EPG5: variants seen among roughly 807,000 people sequenced by gnomAD.
EPG5 encodes the protein ectopic P-granules 5 autophagy tethering factor, also known as ectopic P granules protein 5 homolog.
A neutral mutation model predicts 302.7 loss-of-function variants in EPG5; 159 were observed. The observed-to-expected ratio is 0.53, with a 90% confidence interval of 0.46 to 0.60. The LOEUF is 0.60. EPG5 is among the 20% of genes least tolerant of loss of function. The pLI, the probability that EPG5 is intolerant of heterozygous loss-of-function variation, is 0.00. For missense variants in EPG5, 2,896 were observed against 3,092.4 expected (o/e 0.94, Z 1.51); for synonymous variants, 1,158 against 1,136.8 (o/e 1.02, Z -0.37).
chr18:45,858,582 C>G lies in EPG5; in HGVS notation c.7210G>C (p.Glu2404Gln). ...KVLLILSKWL[E>Q]QVYPSSVEEE... Reference sequence around the variant, plus strand: ...CCAACGTACCTTGGGTACACCTGTTCCAGCCACTTGCTTAAGATGAGCAGC... The same window carrying G: ...CCAACGTACCTTGGGTACACCTGTTGCAGCCACTTGCTTAAGATGAGCAGC... The change falls in exon 41 of 44, where the codon GAA becomes CAA. Residue 2404 changes from glutamate to glutamine, a missense_variant. Coordinates refer to ENST00000282041, the MANE Select transcript of EPG5 (RefSeq NM_020964.3). The G allele has an allele frequency of 1.2e-6, 2 of 1,614,134 alleles. No homozygotes were observed. Among genetic ancestry groups the G allele is most frequent in the Non-Finnish European group, 1.7e-6 (2 of 1,180,002 alleles).
rs9948555 is a variant in EPG5, at chr18:45,870,393, G to A, written c.6225+174C>T. Among the ~76,000 whole-genome samples the A allele has an allele frequency of 0.016, 2,371 of 152,002 alleles. 47 individuals are homozygous for A. Among genetic ancestry groups the A allele is most frequent in the African/African-American group, 0.046 (1,918 of 41,418 alleles). ...AATGGTCCTGTAGATGTTTTAACAC[G>A]ATAAAATGACTTCCACAAGACACTG... On this transcript the variant is annotated intron_variant, in intron 36 of 43. Transcript: ENST00000282041.
chr18:45,880,284 T>C, intron 31 of EPG5, 61 bp from the exon 32 acceptor site: 1 of 1,421,912 alleles, frequency 7.0e-7, no homozygotes, highest in Non-Finnish European at 9.4e-7. Context: ...TTTTAACTTG[T>C]AACAAAGAAT....
chr18:45,802,772 C>T, the EPG5 span, among the ~76,000 whole-genome samples: 1 of 152,234 alleles, frequency 6.6e-6, no homozygotes, highest in East Asian at 1.9e-4. Flanking sequence ...GGATCTCATG[C>T]TCTCTTGATG....
At chr18:45,931,556 G>A (rs139731337) in intron 11 of EPG5, among the ~76,000 whole-genome samples, 122 of 152,226 alleles carry the variant, frequency 8.0e-4, no homozygotes, top group African/African-American at 2.4e-3. Flanking sequence ...GTGCTTGGCC[G>A]GGCGCTGTGG....
chr18:45,855,583 T>C lies in EPG5; in HGVS notation c.7547A>G (p.Lys2516Arg), dbSNP rs1568091718. The C allele has an allele frequency of 1.2e-6, 2 of 1,613,538 alleles. No individual in the cohort carries two copies. Among genetic ancestry groups the C allele is most frequent in the Non-Finnish European group, 1.7e-6 (2 of 1,179,518 alleles). The part of the protein sequence containing the change: ...RPGSELHLTP[K>R]AQQALNALES... ...ATTGTATATACTGACCTGCTGAGCT[T>C]TGGGGGTCAGATGTAATTCAGAGCC... Residue 2516 changes from lysine to arginine, a missense_variant, in exon 43 of 44, where the codon AAA (lysine) becomes AGA (arginine). By Grantham distance (26) the Lys-to-Arg change is conservative. This residue lies in a region of EPG5 where 620 missense variants were observed against 704.2 expected (regional missense o/e 0.88). Coordinates refer to ENST00000282041, the MANE Select transcript of EPG5 (RefSeq NM_020964.3).
chr18:45,917,702 C>A lies in EPG5; in HGVS notation c.3216G>T (p.Gln1072His), dbSNP rs763038687. The A allele has an allele frequency of 3.2e-5, 52 of 1,614,038 alleles. 1 individual carries two copies. Among genetic ancestry groups the A allele is most frequent in the Non-Finnish European group, 4.4e-5 (52 of 1,180,000 alleles). ...DKILPLFYPCQYYLLKNEQFL... is the reference protein window; with the variant it reads ...DKILPLFYPCHYYLLKNEQFL... ...ACTGCTCATTCTTCAGAAGGTAATA[C>A]TGGCAAGGGTAAAATAAAGGCAGAA... Residue 1072 changes from glutamine to histidine, a missense_variant, in exon 17 of 44, where the codon CAG (glutamine) becomes CAT (histidine). Coordinates refer to ENST00000282041, the MANE Select transcript of EPG5 (RefSeq NM_020964.3).
At chr18:45,811,915 A>C in the EPG5 span, among the ~76,000 whole-genome samples, 11 of 152,178 alleles carry the variant, frequency 7.2e-5, no homozygotes, top group African/African-American at 2.7e-4. Flanking sequence ...AGTTCTGGCC[A>C]GGGCAATCAG....
chr18:45,822,097 T>C, the EPG5 span, among the ~76,000 whole-genome samples: 12 of 152,322 alleles, frequency 7.9e-5, no homozygotes, highest in Non-Finnish European at 1.2e-4. Flanking sequence ...GACATCTTCA[T>C]TCCCATGTTT....
Position 45,946,751 on chromosome 18 carries a change from A to G in EPG5, c.1589T>C (p.Met530Thr), listed in dbSNP as rs1354658517. The G allele has an allele frequency of 6.2e-7, 1 of 1,614,206 alleles. No individual in the cohort carries two copies. Among genetic ancestry groups the G allele is most frequent in the South Asian group, 1.1e-5 (1 of 91,090 alleles). ...MSPVKNRAEF[M>T]CHMKPSERKP... ...CCGCTCGCTGGGCTTCATGTGGCAC[A>G]TAAACTCAGCTCGATTTCTAAAGGA... The change falls in exon 7 of 44, where the codon ATG becomes ACG. Residue 530 changes from methionine (M) to threonine (T), a missense_variant. By Grantham distance (81) the Met-to-Thr change is moderately conservative. Coordinates refer to ENST00000282041, the MANE Select transcript of EPG5 (RefSeq NM_020964.3).
chr18:45,826,377 G>C, the EPG5 span, among the ~76,000 whole-genome samples: 1,265 of 152,288 alleles, frequency 8.3e-3, 18 homozygotes, highest in African/African-American at 0.028. Flanking sequence ...AAAAGGCACA[G>C]GGACCATCTG....
At chr18:45,834,630 C>A in the EPG5 span, among the ~76,000 whole-genome samples, 3 of 152,346 alleles carry the variant, frequency 2.0e-5, no homozygotes, top group Admixed American at 1.3e-4. Flanking sequence ...TATGTGCCTA[C>A]AAATCTGTCT....
chr18:45,950,672 C>T (rs2050887679), intron 4 of EPG5, among the ~76,000 whole-genome samples: 1 of 152,164 alleles, frequency 6.6e-6, no homozygotes, highest in Non-Finnish European at 1.5e-5. Flanking sequence ...TAATTCTGTA[C>T]CTGAGACAAA....
chr18:45,962,139 T>G (rs988354941), intron 1 of EPG5, among the ~76,000 whole-genome samples: 1 of 152,266 alleles, frequency 6.6e-6, no homozygotes. Context: ...GAGTGTTTGT[T>G]TAATAAATGA....
At chr18:45,854,805 G>A (rs1355918911) in intron 43 of EPG5, among the ~76,000 whole-genome samples, 1 of 152,218 alleles carries the variant, frequency 6.6e-6, no homozygotes, top group Non-Finnish European at 1.5e-5. Flanking sequence ...AGGCTGCAGT[G>A]AGATATGATC....
intron 39 of EPG5, among the ~76,000 whole-genome samples, chr18:45,864,612 T>TA (rs998617271): frequency 2.0e-4 from 31 of 152,362 alleles, no homozygotes; most frequent in African/African-American, 7.2e-4. Flanking sequence ...TGACTTTTTT[T>TA]ACTGTGAGTT....
chr18:45,845,545 C>T (rs971668413), downstream of EPG5, among the ~76,000 whole-genome samples: 2 of 152,184 alleles, frequency 1.3e-5, no homozygotes, highest in South Asian at 2.1e-4. Flanking sequence ...TTCCCCCACC[C>T]ACCCTCTCAG....
Position 45,954,525 on chromosome 18 carries a change from A to G in EPG5, c.877T>C (p.Leu293=). Residue 293 remains leucine (L), a synonymous_variant, in exon 2 of 44, where the codon TTG becomes CTG. Coordinates refer to ENST00000282041, the MANE Select transcript of EPG5 (RefSeq NM_020964.3). ...AHQDRHEFYE[L]LLNYSRCRKQ... is the part of the protein sequence containing the mutation. ...CTACATCGTGAGTAGTTCAAAAGCA[A>G]CTCATAAAATTCATGCCTGTCTTGA... 1 of 1,614,270 alleles carries G rather than the reference A, an allele frequency of 6.2e-7. No individual in the cohort carries two copies. Among genetic ancestry groups the G allele is most frequent in the Non-Finnish European group, 8.5e-7 (1 of 1,180,052 alleles).
rs1012964206 is a variant in EPG5 at position 45,865,535 on chromosome 18, T to A, written c.6766+80A>T. 7.5e-6 allele frequency: 11 copies of A among 1,460,476 alleles called. No individual in the cohort carries two copies. In the African/African-American group the frequency reaches 1.5e-4, roughly 20 times the overall value. The allele number at this position is 1,460,476 out of a possible 1,614,324, so 90.5% of individuals were successfully genotyped here. On this transcript the variant is annotated intron_variant, in intron 39 of 43. Coordinates refer to ENST00000282041, the MANE Select transcript of EPG5 (RefSeq NM_020964.3). ...AAGAGGAGTGCCAGTGTCCTGAACA[T>A]CCTCCTGATCTCACAGTGCCTTACG...
chr18:45,896,302 G>A (rs1314599350), intron 27 of EPG5, among the ~76,000 whole-genome samples: 1 of 152,234 alleles, frequency 6.6e-6, no homozygotes, highest in East Asian at 1.9e-4. Context: ...AGCCATCAGT[G>A]AGGGATCTCA....
Sources: gnomAD v4.1 joint callset for allele counts (sites outside exome capture counted in the v4.1 genomes callset) on GRCh38, gnomAD v4.1.1 for gene constraint, gnomAD v4.1.1 regional missense constraint, MANE v1.5 for transcripts, NCBI Gene and HGNC (gene_info 2026-07-23, HGNC 2026-07-21) for gene names.